The following TXNDC9 variants were observed in gnomAD, a reference collection of about 807,000 sequenced individuals.
TXNDC9 encodes the protein thioredoxin domain containing 9, also known as thioredoxin domain-containing protein 9.
In TXNDC9, 7 loss-of-function variants were observed where a neutral mutation model predicts 23.0. The observed-to-expected ratio is 0.30, with a 90% CI of 0.17 to 0.57. The LOEUF is 0.57. TXNDC9 is among the 20% of genes least tolerant of loss of function. The pLI, the probability that TXNDC9 is intolerant of heterozygous loss-of-function variation, is 0.90. For synonymous variants in TXNDC9, 72 were observed against 90.6 expected (o/e 0.79, Z 1.17); for missense variants, 198 against 252.6 (o/e 0.78, Z 1.47).
chr2:99,308,674 G>T, the TXNDC9 span, among the ~76,000 whole-genome samples: 1 of 151,696 alleles, frequency 6.6e-6, no homozygotes, highest in African/African-American at 2.4e-5. Context: ...AACTGGAAAG[G>T]CCTTTAACAA....
chr2:99,320,514 T>C (rs774138971), intron 4 of TXNDC9, among the ~76,000 whole-genome samples: 3 of 152,202 alleles, frequency 2.0e-5, no homozygotes, highest in South Asian at 4.1e-4. Flanking sequence ...ATAAACAGTT[T>C]GTACTCTTCA....
At chr2:99,332,757 T>C (rs180676461) in intron 2 of TXNDC9, 23 of 389,434 alleles carry the variant, frequency 5.9e-5, no homozygotes, top group African/African-American at 4.8e-4. Context: ...TAGCCCTCCA[T>C]TCAACCAAAC....
At chr2:99,323,355 C>T (rs762596612) in intron 3 of TXNDC9, among the ~76,000 whole-genome samples, 1 of 147,874 alleles carries the variant, frequency 6.8e-6, no homozygotes, top group Non-Finnish European at 1.5e-5. Flanking sequence ...TGCAGTGAGC[C>T]GAAACTGTGC....
chr2:99,316,858 G>A (rs1023756684), downstream of TXNDC9, among the ~76,000 whole-genome samples: 10 of 152,116 alleles, frequency 6.6e-5, no homozygotes, highest in Non-Finnish European at 5.9e-5. Context: ...CCGGGTTCAC[G>A]CCATTCTCCT....
chr2:99,316,085 G>C (rs916864972), downstream of TXNDC9, among the ~76,000 whole-genome samples: 3 of 149,448 alleles, frequency 2.0e-5, no homozygotes, highest in East Asian at 5.9e-4. Flanking sequence ...CAAGTCCTCT[G>C]ACTCATAAAA....
the TXNDC9 span, among the ~76,000 whole-genome samples, chr2:99,313,120 C>CCATT: frequency 1.3e-5 from 2 of 152,052 alleles, no homozygotes; most frequent in Admixed American, 1.3e-4. Context: ...TGAGATGGCA[C>CCATT]CATTGCACTC....
At chr2:99,316,826 G>A (rs1376732234), downstream of TXNDC9, among the ~76,000 whole-genome samples, 3 of 151,782 alleles carry the variant, frequency 2.0e-5, no homozygotes, top group African/African-American at 7.3e-5. Context: ...GCGCAATCTC[G>A]GCTCACTGCA....
At chr2:99,332,458 A>C (rs1018637722) in intron 2 of TXNDC9, among the ~76,000 whole-genome samples, 3 of 152,212 alleles carry the variant, frequency 2.0e-5, no homozygotes, top group Non-Finnish European at 4.4e-5. Flanking sequence ...GCAGAAAAAA[A>C]AATTTCAATT....
chr2:99,312,368 A>G, the TXNDC9 span, among the ~76,000 whole-genome samples: 2 of 151,954 alleles, frequency 1.3e-5, no homozygotes, highest in African/African-American at 4.8e-5. Context: ...GTGATGGTAC[A>G]TGCTTGTACT....
Position 99,319,801 on chromosome 2 carries a change from TTA to T in TXNDC9, c.564-4_564-3del. ...AATGGTGGCTCCATTAAATTTCCAC[TTA>T]AAAAAAAAAAAAAGCATTTTATTCT... On this transcript the variant is annotated splice_region_variant and splice_polypyrimidine_tract_variant and intron_variant, in intron 4 of 4. Transcript: ENST00000264255. The T allele has an allele frequency of 6.5e-7, 1 of 1,532,844 alleles. No homozygotes were observed. The highest frequency in any genetic ancestry group is 8.8e-7 in the Non-Finnish European group (1 of 1,133,510). The allele number at this position is 1,532,844 out of a possible 1,614,324, so 95.0% of individuals were successfully genotyped here. A position where few individuals can be genotyped will look rare whatever the true frequency, so the allele number is the denominator to read the frequency against.
At chr2:99,323,059 C>A (rs769387738) in intron 3 of TXNDC9, among the ~76,000 whole-genome samples, 2 of 152,180 alleles carry the variant, frequency 1.3e-5, no homozygotes, top group Non-Finnish European at 2.9e-5. Context: ...CTGCACCCAG[C>A]CTACCAGTAG....
the TXNDC9 span, among the ~76,000 whole-genome samples, chr2:99,309,713 G>C: frequency 6.6e-6 from 1 of 152,006 alleles, no homozygotes; most frequent in Non-Finnish European, 1.5e-5. Flanking sequence ...TTGAGACAGA[G>C]TCTCACTCTA....
downstream of TXNDC9, among the ~76,000 whole-genome samples, chr2:99,316,284 T>C (rs2094188945): frequency 6.6e-6 from 1 of 152,160 alleles, no homozygotes; most frequent in Admixed American, 6.5e-5. Flanking sequence ...CAAGTGATCC[T>C]CTTGCCTCAG....
At chr2:99,309,069 A>C in the TXNDC9 span, among the ~76,000 whole-genome samples, 2 of 152,100 alleles carry the variant, frequency 1.3e-5, no homozygotes, top group Non-Finnish European at 2.9e-5. Flanking sequence ...TAAAAAGTAC[A>C]AATAATAAAA....
In TXNDC9 at chr2:99,319,723, T is replaced by C; in HGVS notation, c.640A>G (p.Ile214Val). The C allele has an allele frequency of 2.5e-6, 4 of 1,606,948 alleles. No individual in the cohort carries two copies. Among genetic ancestry groups the C allele is most frequent in the Non-Finnish European group, 3.4e-6 (4 of 1,178,110 alleles). ...TNFTKLEKKT[I>V]RGKKYDSDSD... ...TCTGAATCATATTTCTTTCCTCGGATAGTTTTCTTTTCCAGCTTTGTGAAG... is the reference window on the plus strand; with the variant it reads ...TCTGAATCATATTTCTTTCCTCGGACAGTTTTCTTTTCCAGCTTTGTGAAG... The change falls in exon 5 of 5, where the codon ATC (isoleucine) becomes GTC (valine). Residue 214 changes from isoleucine to valine, a missense_variant. Transcript: ENST00000264255.
At position 99,333,096 on chromosome 2, in the gene TXNDC9, T is replaced by C. The variant is rs150699848; in HGVS notation, c.115A>G (p.Met39Val). Reference sequence around the variant, plus strand: ...AGGCGTTCCAATTCATCCTCATCCATCTGATCCAGTTTTTGAATTTCAGAA... The same window carrying C: ...AGGCGTTCCAATTCATCCTCATCCACCTGATCCAGTTTTTGAATTTCAGAA... ...LDSEIQKLDQ[M>V]DEDELERLKE... is the part of the protein sequence containing the mutation. Residue 39 changes from methionine to valine, a missense_variant, in exon 2 of 5, where the codon ATG becomes GTG. By Grantham distance (21) the Met-to-Val change is conservative (BLOSUM62 1). Transcript: ENST00000264255. The C allele has an allele frequency of 8.6e-3, 13,849 of 1,613,856 alleles. 78 individuals carry two copies. The highest frequency in any genetic ancestry group is 0.01 in the Non-Finnish European group (12,222 of 1,179,910).
At chr2:99,308,455 A>C in the TXNDC9 span, among the ~76,000 whole-genome samples, 59,526 of 151,990 alleles carry the variant, frequency 0.39, 12,331 homozygotes, top group East Asian at 0.64. Flanking sequence ...ACATGATCTT[A>C]GTGGCAGAAT....
chr2:99,315,320 C>T (rs1162497760), downstream of TXNDC9, among the ~76,000 whole-genome samples: 1 of 152,082 alleles, frequency 6.6e-6, no homozygotes, highest in Non-Finnish European at 1.5e-5. Context: ...CCGCCTTGGC[C>T]TCCCAAAGTG....
intron 2 of TXNDC9, 61 bp downstream of exon 2, chr2:99,332,961 T>C (rs2094229498): frequency 7.7e-7 from 1 of 1,305,400 alleles, no homozygotes; most frequent in Non-Finnish European, 1.1e-6. Context: ...AGCACATGTA[T>C]ATATAAGTTG....
Sources: allele counts gnomAD v4.1 joint callset (sites outside exome capture counted in the v4.1 genomes callset), GRCh38; gene constraint gnomAD v4.1.1; transcripts MANE v1.5; gene names NCBI Gene and HGNC (gene_info 2026-07-23, HGNC 2026-07-21).